PDE10A: variants seen among roughly 807,000 people sequenced by gnomAD.
PDE10A encodes cAMP and cAMP-inhibited cGMP 3',5'-cyclic phosphodiesterase 10A.
In PDE10A, 39 loss-of-function variants were observed where a neutral mutation model predicts 97.7. That is an observed-to-expected ratio of 0.40 (90% CI 0.31 to 0.52). PDE10A has a LOEUF of 0.52. PDE10A is among the 20% of genes least tolerant of loss of function. The probability of loss-of-function intolerance (pLI) is 0.56; values close to 1 mark genes in which losing one functional copy is unlikely to be tolerated. For missense variants in PDE10A, 731 were observed against 1,047.8 expected (o/e 0.70, Z 4.17); for synonymous variants, 371 against 376.8 (o/e 0.98, Z 0.18).
intron 1 of PDE10A, among the ~76,000 whole-genome samples, chr6:165,837,578 A>T (rs1780096703): frequency 1.3e-5 from 2 of 151,578 alleles, no homozygotes; most frequent in Admixed American, 6.6e-5. Context: ...CATCTAGGTT[A>T]CACCTCACTA....
In PDE10A at chr6:165,485,756, C is replaced by A. The variant is rs374916161; in HGVS notation, c.995-3413G>T. On this transcript the variant is annotated intron_variant, in intron 2 of 21. Coordinates refer to ENST00000539869, the MANE Select transcript of PDE10A (RefSeq NM_001385079.1). The stretch of plus-strand genomic sequence containing the variant: ...TGCAGGCGCCCGCCACCATGCCTGA[C>A]TAATTTTTTGTATTTTTAGTAGAGA... 7.9e-5 allele frequency among the ~76,000 whole-genome samples: 12 copies of A among 151,908 alleles called. 1 individual carries two copies. The highest frequency in any genetic ancestry group is 2.9e-4 in the African/African-American group (12 of 41,404).
Position 165,450,228 on chromosome 6 carries a change from A to ATT in PDE10A, c.1144+13_1144+14insAA. On this transcript the variant is annotated intron_variant, in intron 4 of 21. Coordinates refer to ENST00000539869, the MANE Select transcript of PDE10A (RefSeq NM_001385079.1). The stretch of plus-strand genomic sequence containing the variant: ...TGCCCATTTTTTCTAACAGGAACAC[A>ATT]AAATGCTTCTTACCTATTTTAATGA... The ATT allele has an allele frequency of 1.3e-6, 2 of 1,522,774 alleles. No individual in the cohort carries two copies. Among genetic ancestry groups the ATT allele is most frequent in the Non-Finnish European group, 1.8e-6 (2 of 1,132,472 alleles). The allele number at this position is 1,522,774 out of a possible 1,614,324, so 94.3% of individuals were successfully genotyped here.
At chr6:165,725,182 C>T (rs6934842) in intron 1 of PDE10A, among the ~76,000 whole-genome samples, 1,560 of 152,308 alleles carry the variant, frequency 0.01, 28 homozygotes, top group African/African-American at 0.036. Flanking sequence ...AATAAAACCT[C>T]ACACTCATTC....
intron 1 of PDE10A, among the ~76,000 whole-genome samples, chr6:165,591,931 A>G (rs1378300425): frequency 6.6e-6 from 1 of 152,234 alleles, no homozygotes; most frequent in South Asian, 2.1e-4. Flanking sequence ...CAAAAATGCT[A>G]TAGTAGCATA....
At chr6:165,733,993 A>T (rs1792502572) in intron 1 of PDE10A, among the ~76,000 whole-genome samples, 2 of 152,100 alleles carry the variant, frequency 1.3e-5, no homozygotes, top group South Asian at 4.1e-4. Flanking sequence ...TAGAAATGGC[A>T]TTTGCTTCAT....
chr6:165,396,097 G>A (rs933431237), intron 14 of PDE10A, among the ~76,000 whole-genome samples: 1 of 152,114 alleles, frequency 6.6e-6, no homozygotes, highest in Non-Finnish European at 1.5e-5. Flanking sequence ...TTTCAAAACT[G>A]AGTTCAGATT....
At chr6:165,841,250 A>C (rs767187772) in intron 1 of PDE10A, among the ~76,000 whole-genome samples, 3 of 152,246 alleles carry the variant, frequency 2.0e-5, no homozygotes, top group Non-Finnish European at 4.4e-5. Flanking sequence ...AGGTGAGAAC[A>C]GGGCAGGCCC....
chr6:165,759,789 G>A (rs1793208942), intron 1 of PDE10A, among the ~76,000 whole-genome samples: 1 of 152,188 alleles, frequency 6.6e-6, no homozygotes, highest in Non-Finnish European at 1.5e-5. Context: ...GTAGTTTACA[G>A]GGAGGCCCAG....
intron 1 of PDE10A, among the ~76,000 whole-genome samples, chr6:165,615,345 T>C (rs116037596): frequency 2.5e-3 from 380 of 152,336 alleles, no homozygotes; most frequent in African/African-American, 8.7e-3. Flanking sequence ...ATGTACATCC[T>C]ATCAATTTCA....
chr6:165,393,547 C>T lies in PDE10A; in HGVS notation c.2304-751G>A, dbSNP rs79390394. On this transcript the variant is annotated intron_variant, in intron 15 of 21. Transcript: ENST00000539869. ...ATAAAAACTTAAAAAAAAAAGTAAC[C>T]TGTGTTTTTCTCCACTGAAAATTTT... Among the ~76,000 whole-genome samples, 1,264 of 151,940 alleles carry T rather than the reference C, an allele frequency of 8.3e-3. 6 individuals carry two copies. The highest frequency in any genetic ancestry group is 0.014 in the Non-Finnish European group (922 of 67,952).
At chr6:165,794,151 ACACT>A (rs1201473204) in intron 1 of PDE10A, among the ~76,000 whole-genome samples, 5 of 151,212 alleles carry the variant, frequency 3.3e-5, no homozygotes, top group African/African-American at 7.3e-5. Flanking sequence ...TCACTCACAC[ACACT>A]CACTGCACAC....
At chr6:165,379,672 A>C (rs944379680) in intron 17 of PDE10A, among the ~76,000 whole-genome samples, 3 of 152,322 alleles carry the variant, frequency 2.0e-5, no homozygotes, top group Middle Eastern at 3.4e-3. Context: ...TATTTCTAAT[A>C]GTTTAAAAAA....
chr6:165,731,287 A>G (rs371644794), intron 1 of PDE10A, among the ~76,000 whole-genome samples: 182 of 152,212 alleles, frequency 1.2e-3, no homozygotes, highest in African/African-American at 4.3e-3. Flanking sequence ...GTACGGGGGG[A>G]AAAGTGCCCT....
intron 1 of PDE10A, among the ~76,000 whole-genome samples, chr6:165,600,978 A>C (rs1276734538): frequency 6.6e-6 from 1 of 152,218 alleles, no homozygotes; most frequent in African/African-American, 2.4e-5. Context: ...TAAATATGTT[A>C]CATGGTTTGG....
chr6:165,413,677 A>C lies in PDE10A; in HGVS notation c.1900T>G (p.Leu634Val). The C allele has an allele frequency of 6.2e-7, 1 of 1,612,084 alleles. No homozygotes were observed. The highest frequency in any genetic ancestry group is 8.5e-7 in the Non-Finnish European group (1 of 1,178,846). The part of the protein sequence containing the change: ...ADPRFNREVD[L>V]YTGYTTRNIL... ...TTCCGCGTGGTGTAGCCTGTGTACA[A>C]GTCTACTTCTCTGTGGGGTGACAGA... Residue 634 changes from leucine to valine, a missense_variant, in exon 13 of 22, where the codon TTG becomes GTG. Leu to Val is a conservative substitution (Grantham distance 32). Coordinates refer to ENST00000539869, the MANE Select transcript of PDE10A (RefSeq NM_001385079.1).
At chr6:165,888,460 T>C (rs1397873938) in intron 1 of PDE10A, among the ~76,000 whole-genome samples, 1 of 152,096 alleles carries the variant, frequency 6.6e-6, no homozygotes, top group Non-Finnish European at 1.5e-5. Context: ...TAGTTTTTTG[T>C]ATTTTAGTAG....
chr6:165,642,908 AT>A (rs57377717), intron 1 of PDE10A, among the ~76,000 whole-genome samples: 25,308 of 148,334 alleles, frequency 0.17, 2,202 homozygotes, highest in South Asian at 0.27. Flanking sequence ...ATGTTCTCAC[AT>A]TTTTTTTTTT....
chr6:165,842,328 T>TA (rs149124715), intron 1 of PDE10A, among the ~76,000 whole-genome samples: 7,785 of 152,304 alleles, frequency 0.051, 312 homozygotes, highest in Admixed American at 0.11. Context: ...TGACTTCCAT[T>TA]AAATAAGCCA....
At chr6:165,945,521 G>A (rs1160939830) in intron 1 of PDE10A, among the ~76,000 whole-genome samples, 2 of 152,180 alleles carry the variant, frequency 1.3e-5, no homozygotes, top group Non-Finnish European at 2.9e-5. Context: ...GGCCTTTTGG[G>A]GGGTGATTAG....
Sources: allele counts gnomAD v4.1 joint callset (sites outside exome capture counted in the v4.1 genomes callset), GRCh38; gene constraint gnomAD v4.1.1; transcripts MANE v1.5; gene names NCBI Gene and HGNC (gene_info 2026-07-23, HGNC 2026-07-21).